Variants in KHDRBS2 observed in about 807,000 individuals in gnomAD.
The protein encoded by KHDRBS2 is KH domain-containing, RNA-binding, signal transduction-associated protein 2.
KHDRBS2 carries 26 observed loss-of-function variants against 44.3 expected under a neutral mutation model. The ratio of observed to expected loss-of-function variants is 0.59; its 90% confidence interval spans 0.43 to 0.81. KHDRBS2 has a LOEUF of 0.81. KHDRBS2 is among the 40% of genes least tolerant of loss of function. The probability of loss-of-function intolerance (pLI) is 0.00; values close to 1 mark genes in which losing one functional copy is unlikely to be tolerated. For missense variants in KHDRBS2, 476 were observed against 433.1 expected, an observed-to-expected ratio of 1.10 and a Z score of -0.88; for synonymous variants, 194 against 151.1, an observed-to-expected ratio of 1.28 and a Z score of -2.08.
rs750753720 is a variant in KHDRBS2 at position 62,169,177 on chromosome 6, A to G, written c.219+8008T>C. 8.6e-3 allele frequency among the ~76,000 whole-genome samples: 1,172 copies of G among 136,058 alleles called. 11 individuals carry two copies. The highest frequency in any genetic ancestry group is 0.014 in the Non-Finnish European group (906 of 63,154). 89.3% of individuals were successfully genotyped at this position (136,058 alleles called of 152,430 possible). Reference sequence around the variant, plus strand: ...TATATACGTACACATATATGTATATATGTATATATACGTATACATATATGT... The same window carrying G: ...TATATACGTACACATATATGTATATGTGTATATATACGTATACATATATGT... On this transcript the variant is annotated intron_variant, in intron 2 of 8. Coordinates refer to ENST00000281156, the MANE Select transcript of KHDRBS2 (RefSeq NM_152688.4).
chr6:61,553,070 G>C, the KHDRBS2 span, among the ~76,000 whole-genome samples: 7 of 152,160 alleles, frequency 4.6e-5, no homozygotes, highest in African/African-American at 1.7e-4. Context: ...AGCTTCCATA[G>C]GAATAATACT....
chr6:62,213,189 T>G lies in KHDRBS2; in HGVS notation c.92-35877A>C, dbSNP rs531356869. On this transcript the variant is annotated intron_variant, in intron 1 of 8. Transcript: ENST00000281156. Reference sequence around the variant, plus strand: ...AATGCTGGGGCATTGATAATGTGATTATAAGATAAGTACCTTCTCAGTTTC... The same window carrying G: ...AATGCTGGGGCATTGATAATGTGATGATAAGATAAGTACCTTCTCAGTTTC... Among the ~76,000 whole-genome samples, 4 of 152,284 alleles carry G rather than the reference T, an allele frequency of 2.6e-5. No homozygotes were observed. In the South Asian group the frequency reaches 8.3e-4, roughly 32 times the overall value.
chr6:62,074,787 C>T (rs1304062276), intron 2 of KHDRBS2, among the ~76,000 whole-genome samples: 1 of 151,760 alleles, frequency 6.6e-6, no homozygotes, highest in African/African-American at 2.4e-5. Flanking sequence ...TCTTCATATC[C>T]TCTAGGACCT....
intron 4 of KHDRBS2, among the ~76,000 whole-genome samples, chr6:61,919,875 C>G (rs1807726797): frequency 6.6e-6 from 1 of 151,718 alleles, no homozygotes; most frequent in Non-Finnish European, 1.5e-5. Context: ...ACTCTTAACA[C>G]TAAATGTTTC....
chr6:61,899,457 G>A (rs1415907453), intron 5 of KHDRBS2, among the ~76,000 whole-genome samples: 1 of 151,688 alleles, frequency 6.6e-6, no homozygotes, highest in Non-Finnish European at 1.5e-5. Flanking sequence ...TATAGTATCA[G>A]ATCTGTATGT....
chr6:62,139,684 C>T (rs1812362281), intron 2 of KHDRBS2, among the ~76,000 whole-genome samples: 1 of 151,282 alleles, frequency 6.6e-6, no homozygotes. Flanking sequence ...TATATAACAC[C>T]CTCTCCAGGA....
intron 4 of KHDRBS2, among the ~76,000 whole-genome samples, chr6:61,951,012 A>G (rs1432562222): frequency 1.3e-5 from 2 of 152,018 alleles, no homozygotes; most frequent in Admixed American, 6.6e-5. Context: ...CCAGGGAAGC[A>G]TGAGGCATGA....
At chr6:61,789,949 T>C (rs1364903021) in intron 6 of KHDRBS2, among the ~76,000 whole-genome samples, 1 of 151,444 alleles carries the variant, frequency 6.6e-6, no homozygotes, top group African/African-American at 2.4e-5. Context: ...ATGAGATGAT[T>C]ATTATAATGC....
chr6:62,072,480 T>C (rs537942934), intron 2 of KHDRBS2, among the ~76,000 whole-genome samples: 120 of 152,316 alleles, frequency 7.9e-4, no homozygotes, highest in South Asian at 1.9e-3. Context: ...TGTGGGTTTG[T>C]AATAGATAGC....
At chr6:62,158,201 C>T (rs564459769) in intron 2 of KHDRBS2, among the ~76,000 whole-genome samples, 4 of 152,264 alleles carry the variant, frequency 2.6e-5, no homozygotes, top group African/African-American at 9.6e-5. Context: ...TTTTATTACA[C>T]ACACATAGAA....
intron 1 of KHDRBS2, among the ~76,000 whole-genome samples, chr6:62,235,237 G>A (rs6934817): frequency 1.1e-4 from 17 of 151,946 alleles, no homozygotes; most frequent in African/African-American, 4.1e-4. Context: ...TTTGAACTCT[G>A]TTTTATATTT....
intron 8 of KHDRBS2, among the ~76,000 whole-genome samples, chr6:61,692,951 A>G (rs544603157): frequency 1.2e-4 from 19 of 152,240 alleles, no homozygotes; most frequent in Middle Eastern, 3.4e-3. Context: ...TTTTGTAAAA[A>G]TACAGACATT....
intron 2 of KHDRBS2, among the ~76,000 whole-genome samples, chr6:62,159,395 G>A (rs944400677): frequency 2.0e-5 from 3 of 152,104 alleles, no homozygotes; most frequent in Non-Finnish European, 4.4e-5. Context: ...CAGCAATATT[G>A]AGCCTCTTTC....
chr6:61,835,054 T>C (rs541445934), intron 6 of KHDRBS2, among the ~76,000 whole-genome samples: 130 of 152,182 alleles, frequency 8.5e-4, no homozygotes, highest in African/African-American at 3.1e-3. Flanking sequence ...GAATGATACC[T>C]TTACTTATCA....
the KHDRBS2 span, among the ~76,000 whole-genome samples, chr6:61,665,533 T>A: frequency 6.6e-6 from 1 of 151,248 alleles, no homozygotes; most frequent in Non-Finnish European, 1.5e-5. Context: ...TAGAAAAAAA[T>A]AAACTTTCAA....
intron 2 of KHDRBS2, among the ~76,000 whole-genome samples, chr6:62,143,910 T>C (rs1414331343): frequency 6.6e-6 from 1 of 151,898 alleles, no homozygotes; most frequent in Non-Finnish European, 1.5e-5. Flanking sequence ...TTATGCTTTT[T>C]TAAGATACAA....
Position 61,776,999 on chromosome 6 carries a change from G to A in KHDRBS2, c.811-44235C>T, listed in dbSNP as rs57426157. On this transcript the variant is annotated intron_variant, in intron 6 of 8. Transcript: ENST00000281156. ...TCATGTCCTTTGTAGGGACATGGAC[G>A]AAACTGGAAACCGTCATTCTCAGCA... 7.7e-4 allele frequency among the ~76,000 whole-genome samples: 117 copies of A among 152,220 alleles called. 1 individual carries two copies. Among genetic ancestry groups the A allele is most frequent in the African/African-American group, 2.6e-3 (110 of 41,536 alleles).
intron 1 of KHDRBS2, among the ~76,000 whole-genome samples, chr6:62,245,507 C>T (rs919529092): frequency 1.3e-5 from 2 of 151,970 alleles, no homozygotes; most frequent in African/African-American, 2.4e-5. Context: ...AAGTTCAGGC[C>T]TAAATAAATG....
At chr6:62,190,012 T>C (rs1312141102) in intron 1 of KHDRBS2, among the ~76,000 whole-genome samples, 1 of 151,612 alleles carries the variant, frequency 6.6e-6, no homozygotes, top group Non-Finnish European at 1.5e-5. Context: ...TTTATAGGAG[T>C]GGGAGAGAGG....
Sources: gnomAD v4.1 joint callset for allele counts (sites outside exome capture counted in the v4.1 genomes callset) on GRCh38, gnomAD v4.1.1 for gene constraint, MANE v1.5 for transcripts, NCBI Gene and HGNC (gene_info 2026-07-23, HGNC 2026-07-21) for gene names.